The following DNAAF5 variants were observed in gnomAD, a reference collection of about 807,000 sequenced individuals.
DNAAF5 encodes dynein axonemal assembly factor 5.
A neutral mutation model predicts 75.8 loss-of-function variants in DNAAF5; 64 were observed. That is an observed-to-expected ratio of 0.84 (90% CI 0.69 to 1.04). DNAAF5 has a LOEUF of 1.04. Among genes scored for constraint, DNAAF5 ranks in the 50% least tolerant of loss-of-function variants. DNAAF5 has a pLI of 0.00. For missense variants in DNAAF5, 1,269 were observed against 1,178.5 expected (o/e 1.08, Z -1.12); for synonymous variants, 657 against 557.2 (o/e 1.18, Z -2.52).
At chr7:776,128 A>G (rs1778753783) in intron 11 of DNAAF5, among the ~76,000 whole-genome samples, 1 of 152,122 alleles carries the variant, frequency 6.6e-6, no homozygotes, top group African/African-American at 2.4e-5. Context: ...TCACAAAGTC[A>G]AGAGATAGAA....
intron 4 of DNAAF5, among the ~76,000 whole-genome samples, chr7:745,401 A>G (rs1051108674): frequency 2.0e-5 from 3 of 151,128 alleles, no homozygotes; most frequent in Non-Finnish European, 4.4e-5. Context: ...GCGGTAAGGG[A>G]GAAGACAGAG....
Position 733,791 on chromosome 7 carries a change from G to T in DNAAF5, c.780+3944G>T, listed in dbSNP as rs545320711. On this transcript the variant is annotated intron_variant, in intron 2 of 12. Coordinates refer to ENST00000297440, the MANE Select transcript of DNAAF5 (RefSeq NM_017802.4). ...TTACAGGTGTGAGCCACTGCGCCTG[G>T]CCTTATAGTTTTCATTGTAGAGATC... 2.0e-5 allele frequency among the ~76,000 whole-genome samples: 3 copies of T among 152,310 alleles called. No homozygotes were observed. The East Asian group carries it at 5.8e-4, about 29-fold the overall frequency.
chr7:740,870 G>T lies in DNAAF5; in HGVS notation c.832G>T (p.Asp278Tyr). ...GGGCGGCTGGCTGCTGTGTCTGCGT[G>T]ACCGTTACTCCTTCTTCCACAAGCT... The part of the protein sequence containing the change: ...VVGGWLLCLR[D>Y]RYSFFHKLIP... The change falls in exon 3 of 13, where the codon GAC (aspartate) becomes TAC (tyrosine). Residue 278 changes from aspartate (D) to tyrosine (Y), a missense_variant. Coordinates refer to ENST00000297440, the MANE Select transcript of DNAAF5 (RefSeq NM_017802.4). 1 of 1,614,064 alleles carries T rather than the reference G, an allele frequency of 6.2e-7. No individual in the cohort carries two copies. Among genetic ancestry groups the T allele is most frequent in the South Asian group, 1.1e-5 (1 of 91,088 alleles).
At position 756,819 on chromosome 7, in the gene DNAAF5, G is replaced by A; in HGVS notation, c.1295G>A (p.Ser432Asn). Residue 432 changes from serine (S) to asparagine (N), a missense_variant, in exon 6 of 13, where the codon AGC becomes AAC. Ser to Asn is a conservative substitution (Grantham distance 46). Coordinates refer to ENST00000297440, the MANE Select transcript of DNAAF5 (RefSeq NM_017802.4). ...GCAGAGCTCGTCGGGACGTTTGTCA[G>A]CCCTGAGGTGTTTCTGAAGCTGATC... is the stretch of plus-strand genomic sequence containing the variant. ...RSAELVGTFV[S>N]PEVFLKLILS... is the part of the protein sequence containing the mutation. 1.2e-6 allele frequency: 2 copies of A among 1,614,020 alleles called. No homozygotes were observed. Among genetic ancestry groups the A allele is most frequent in the Non-Finnish European group, 1.7e-6 (2 of 1,180,012 alleles).
At chr7:738,623 T>G (rs1373921329) in intron 2 of DNAAF5, among the ~76,000 whole-genome samples, 1 of 152,186 alleles carries the variant, frequency 6.6e-6, no homozygotes. Context: ...TAAACTCTTA[T>G]ATGGCAGTTC....
At chr7:774,235 G>A in intron 10 of DNAAF5, 37 bp downstream of exon 10, 4 of 1,564,768 alleles carry the variant, frequency 2.6e-6, no homozygotes, top group East Asian at 2.3e-5. Context: ...GACACCGGCC[G>A]GGGACTGCGC....
chr7:744,142 A>G (rs1440887540), intron 4 of DNAAF5, among the ~76,000 whole-genome samples: 3 of 151,676 alleles, frequency 2.0e-5, no homozygotes, highest in East Asian at 1.9e-4. Context: ...TCCTGTGTCC[A>G]TGTGTTCTCA....
At chr7:749,521 T>A (rs1012346229) in intron 4 of DNAAF5, among the ~76,000 whole-genome samples, 1 of 152,224 alleles carries the variant, frequency 6.6e-6, no homozygotes, top group Non-Finnish European at 1.5e-5. Context: ...GCACCCATTC[T>A]GCTTTGCTTG....
intron 9 of DNAAF5, 22 bp downstream of exon 9, chr7:770,640 G>A (rs1373355797): frequency 1.2e-6 from 2 of 1,608,180 alleles, no homozygotes; most frequent in Non-Finnish European, 8.5e-7. Flanking sequence ...CTCTGCCTCT[G>A]CACGGCCCCC....
chr7:770,522 G>A lies in DNAAF5; in HGVS notation c.1835G>A (p.Cys612Tyr), dbSNP rs1562396523. Residue 612 changes from cysteine to tyrosine, a missense_variant, in exon 9 of 13, where the codon TGT becomes TAT. Physicochemically the swap from Cys to Tyr is radical, Grantham distance 194 (BLOSUM62 -2). Transcript: ENST00000297440. ...CACGTCGTGCCCACGCTGAGGGCCTGTCTGCAGCCCTCCCAAGACCCGCAG... is the reference window on the plus strand; with the variant it reads ...CACGTCGTGCCCACGCTGAGGGCCTATCTGCAGCCCTCCCAAGACCCGCAG... Reference protein sequence around the residue: ...LPHVVPTLRACLQPSQDPQMR... With the variant: ...LPHVVPTLRAYLQPSQDPQMR... The A allele has an allele frequency of 6.2e-7, 1 of 1,613,920 alleles. No individual in the cohort carries two copies. The highest frequency in any genetic ancestry group is 2.2e-5 in the East Asian group (1 of 44,870).
Position 763,992 on chromosome 7 carries a change from C to CTGGCG in DNAAF5, c.1783+21_1783+25dup. 1 of 1,599,580 alleles carries CTGGCG rather than the reference C, an allele frequency of 6.3e-7. No homozygotes were observed. Among genetic ancestry groups the CTGGCG allele is most frequent in the East Asian group, 2.2e-5 (1 of 44,880 alleles). On this transcript the variant is annotated intron_variant, in intron 8 of 12. Transcript: ENST00000297440. ...ACAGTCAGGTGAGCCGTCCCGACAG[C>CTGGCG]TGGCGTGCCGTGCCTGGCCCCACTC...
chr7:744,445 G>T (rs1782019660), intron 4 of DNAAF5, among the ~76,000 whole-genome samples: 2 of 152,188 alleles, frequency 1.3e-5, no homozygotes, highest in Non-Finnish European at 2.9e-5. Flanking sequence ...AGTCCTTTGG[G>T]TATATACCCA....
At chr7:764,663 C>T (rs567693261) in intron 8 of DNAAF5, among the ~76,000 whole-genome samples, 24 of 152,318 alleles carry the variant, frequency 1.6e-4, no homozygotes, top group African/African-American at 5.3e-4. Context: ...ATGCTAAGAT[C>T]GTTCTTACAC....
At chr7:769,471 TCGCGCCCACCGGAGAGCAGCCA>T (rs1184075086) in intron 8 of DNAAF5, among the ~76,000 whole-genome samples, 9 of 152,046 alleles carry the variant, frequency 5.9e-5, no homozygotes, top group African/African-American at 2.2e-4. Flanking sequence ...CGCCCAAGCC[TCGCGCCCACCGGAGAGCAGCCA>T]CGGTGCAGGA....
At chr7:782,596 G>C (rs111931278) in intron 12 of DNAAF5, among the ~76,000 whole-genome samples, 29 of 136,238 alleles carry the variant, frequency 2.1e-4, no homozygotes, top group African/African-American at 2.9e-4. Flanking sequence ...GCGTGGCCGC[G>C]TCCCGTTACG....
rs531193792 is a variant in DNAAF5 at position 780,266 on chromosome 7, G to A, written c.2431+122G>A. 1.0e-4 allele frequency: 88 copies of A among 839,910 alleles called. 1 individual carries two copies. Among genetic ancestry groups the A allele is most frequent in the South Asian group, 8.4e-4 (47 of 56,266 alleles). 52.0% of individuals were successfully genotyped at this position (839,910 alleles called of 1,614,324 possible). A position where few individuals can be genotyped will look rare whatever the true frequency, so the allele number is the denominator to read the frequency against. Reference sequence around the variant, plus strand: ...GGGGCACAGGAGGGGCCTCAGCTCCGGCCTGGCACACTCTTGAGTTCTTGG... The same window carrying A: ...GGGGCACAGGAGGGGCCTCAGCTCCAGCCTGGCACACTCTTGAGTTCTTGG... On this transcript the variant is annotated intron_variant, in intron 12 of 12. Coordinates refer to ENST00000297440, the MANE Select transcript of DNAAF5 (RefSeq NM_017802.4).
chr7:742,448 C>G (rs1781939763), intron 4 of DNAAF5, among the ~76,000 whole-genome samples: 1 of 71,634 alleles, frequency 1.4e-5, no homozygotes, highest in African/African-American at 5.5e-5. Context: ...TCAAATCAAT[C>G]ATGCCCAGCT....
At chr7:776,012 T>A (rs4719284) in intron 11 of DNAAF5, among the ~76,000 whole-genome samples, 95,777 of 152,000 alleles carry the variant, frequency 0.63, 30,391 homozygotes, top group South Asian at 0.67. Flanking sequence ...ACGACTGTAT[T>A]TAAGTTTGAT....
At chr7:739,367 C>G (rs1562377311) in intron 2 of DNAAF5, among the ~76,000 whole-genome samples, 1 of 152,192 alleles carries the variant, frequency 6.6e-6, no homozygotes, top group African/African-American at 2.4e-5. Flanking sequence ...TGGGCTGTCT[C>G]TGCTCGAGAC....
Sources: allele counts gnomAD v4.1 joint callset (sites outside exome capture counted in the v4.1 genomes callset), GRCh38; gene constraint gnomAD v4.1.1; transcripts MANE v1.5; gene names NCBI Gene and HGNC (gene_info 2026-07-23, HGNC 2026-07-21).